KCNIP4: variants seen among roughly 807,000 people sequenced by gnomAD.
KCNIP4 encodes the protein Kv channel-interacting protein 4.
KCNIP4 carries 12 observed loss-of-function variants against 34.0 expected under a neutral mutation model. The observed-to-expected ratio is 0.35, with a 90% CI of 0.23 to 0.57. The LOEUF (loss-of-function observed/expected upper bound fraction) is 0.57, where lower values mean the gene tolerates loss of function less well. KCNIP4 is among the 20% of genes least tolerant of loss of function. The pLI, the probability that KCNIP4 is intolerant of heterozygous loss-of-function variation, is 0.83. For synonymous variants in KCNIP4, 124 were observed against 102.2 expected (o/e 1.21, Z -1.29); for missense variants, 238 against 311.7 (o/e 0.76, Z 1.78).
rs73114349 is a variant in KCNIP4, at chr4:20,856,484, T to G, written c.164-5817A>C. 2.3e-3 allele frequency among the ~76,000 whole-genome samples: 347 copies of G among 152,292 alleles called. 2 individuals carry two copies. The highest frequency in any genetic ancestry group is 8.1e-3 in the African/African-American group (335 of 41,574). On this transcript the variant is annotated intron_variant, in intron 2 of 8. Coordinates refer to ENST00000382152, the MANE Select transcript of KCNIP4 (RefSeq NM_025221.6). Reference sequence around the variant, plus strand: ...CTTGTATAGCATGTAAAACATAACATCATGATCTGCTCATGTTTGTTTTCT... The same window carrying G: ...CTTGTATAGCATGTAAAACATAACAGCATGATCTGCTCATGTTTGTTTTCT...
At chr4:20,910,288 T>C (rs2149568924) in intron 1 of KCNIP4, among the ~76,000 whole-genome samples, 1 of 152,124 alleles carries the variant, frequency 6.6e-6, no homozygotes, top group East Asian at 1.9e-4. Flanking sequence ...TCTGTATGTG[T>C]GTGTGTGTGT....
intron 1 of KCNIP4, among the ~76,000 whole-genome samples, chr4:21,669,069 A>G (rs1328204086): frequency 1.3e-5 from 2 of 152,162 alleles, no homozygotes; most frequent in African/African-American, 4.8e-5. Context: ...ATGATAATCC[A>G]CTTTCACTTA....
chr4:21,424,605 A>G (rs1302054190), intron 1 of KCNIP4, among the ~76,000 whole-genome samples: 3 of 151,512 alleles, frequency 2.0e-5, no homozygotes, highest in South Asian at 2.1e-4. Flanking sequence ...GAAAGAGAGA[A>G]AAAGAAAGAA....
chr4:21,390,479 A>G (rs976876885), intron 1 of KCNIP4, among the ~76,000 whole-genome samples: 63 of 152,266 alleles, frequency 4.1e-4, no homozygotes, highest in African/African-American at 1.2e-3. Flanking sequence ...TAATTTTTGT[A>G]TAAGGTGTAA....
intron 1 of KCNIP4, among the ~76,000 whole-genome samples, chr4:21,044,557 G>T (rs1318312676): frequency 6.6e-6 from 1 of 151,958 alleles, no homozygotes; most frequent in Non-Finnish European, 1.5e-5. Flanking sequence ...TGATCCACCC[G>T]CCTTGGCCTC....
chr4:21,766,388 A>T (rs560900256), intron 1 of KCNIP4, among the ~76,000 whole-genome samples: 1 of 152,226 alleles, frequency 6.6e-6, no homozygotes, highest in South Asian at 2.1e-4. Context: ...GGATTACTCG[A>T]TTGTAAGAGT....
chr4:21,059,599 A>G (rs1743736946), intron 1 of KCNIP4, among the ~76,000 whole-genome samples: 1 of 152,104 alleles, frequency 6.6e-6, no homozygotes, highest in Non-Finnish European at 1.5e-5. Context: ...TTAGGGCCTG[A>G]TTACTGATCT....
In KCNIP4 at chr4:20,734,645, C is replaced by A; in HGVS notation, c.520G>T (p.Gly174Cys). 1 of 1,544,214 alleles carries A rather than the reference C, an allele frequency of 6.5e-7. No homozygotes were observed. The highest frequency in any genetic ancestry group is 8.8e-7 in the Non-Finnish European group (1 of 1,135,646). ...TCCCTTACCTCTTTAGTGATGTAGC[C>A]ATCTTTATTTATGTCATACAGATTA... is the stretch of plus-strand genomic sequence containing the variant. ...AFNLYDINKDGYITKEEMLDI... is the reference protein window; with the variant it reads ...AFNLYDINKDCYITKEEMLDI... Residue 174 changes from glycine (G) to cysteine (C), a missense_variant, in exon 6 of 9, where the codon GGC becomes TGC. Gly to Cys is a radical substitution (Grantham distance 159). Coordinates refer to ENST00000382152, the MANE Select transcript of KCNIP4 (RefSeq NM_025221.6).
At chr4:21,517,723 C>T (rs1441421014) in intron 1 of KCNIP4, among the ~76,000 whole-genome samples, 1 of 152,092 alleles carries the variant, frequency 6.6e-6, no homozygotes, top group African/African-American at 2.4e-5. Context: ...TCATCAAGTA[C>T]TTGTTGAAGA....
intron 1 of KCNIP4, among the ~76,000 whole-genome samples, chr4:21,489,477 G>A (rs1348107126): frequency 6.6e-6 from 1 of 152,074 alleles, no homozygotes; most frequent in Non-Finnish European, 1.5e-5. Context: ...AACCTATGAT[G>A]AAAATAAATT....
At chr4:21,306,350 A>G (rs144424872) in intron 1 of KCNIP4, among the ~76,000 whole-genome samples, 1,712 of 152,322 alleles carry the variant, frequency 0.011, 20 homozygotes, top group African/African-American at 0.038. Flanking sequence ...TATACCCAAA[A>G]TGATCCCCCA....
chr4:21,775,996 G>A (rs1027019153), intron 1 of KCNIP4, among the ~76,000 whole-genome samples: 1 of 152,206 alleles, frequency 6.6e-6, no homozygotes, highest in African/African-American at 2.4e-5. Context: ...AGTTCAGTAG[G>A]CTTAAGCAGA....
intron 1 of KCNIP4, among the ~76,000 whole-genome samples, chr4:21,687,501 C>T (rs1454941951): frequency 6.6e-6 from 1 of 152,050 alleles, no homozygotes; most frequent in East Asian, 1.9e-4. Context: ...GGTCTAGGCA[C>T]TGGATTACGA....
At chr4:20,741,097 C>A (rs1020685562) in intron 5 of KCNIP4, among the ~76,000 whole-genome samples, 1 of 152,268 alleles carries the variant, frequency 6.6e-6, no homozygotes, top group East Asian at 1.9e-4. Context: ...TACAAAGAGA[C>A]TTAGACTCCC....
At chr4:21,535,501 TA>T (rs1737083039) in intron 1 of KCNIP4, among the ~76,000 whole-genome samples, 1 of 152,174 alleles carries the variant, frequency 6.6e-6, no homozygotes, top group African/African-American at 2.4e-5. Flanking sequence ...CATGTTTCTA[TA>T]TTTTTTTTGC....
At chr4:20,861,521 C>T (rs1236230465) in intron 2 of KCNIP4, among the ~76,000 whole-genome samples, 3 of 152,074 alleles carry the variant, frequency 2.0e-5, no homozygotes, top group Non-Finnish European at 4.4e-5. Context: ...TTTCTGCAAC[C>T]CTGGCCCTGA....
At chr4:21,187,139 G>A (rs767523151) in intron 1 of KCNIP4, among the ~76,000 whole-genome samples, 2 of 152,104 alleles carry the variant, frequency 1.3e-5, no homozygotes, top group African/African-American at 2.4e-5. Flanking sequence ...AATCTCTAAT[G>A]TATAGCTTAG....
intron 1 of KCNIP4, among the ~76,000 whole-genome samples, chr4:21,517,590 A>T (rs1197211576): frequency 6.6e-6 from 1 of 152,104 alleles, no homozygotes; most frequent in Non-Finnish European, 1.5e-5. Flanking sequence ...TGTTTCTGTT[A>T]ATCATTGATT....
At chr4:21,927,028 G>A (rs962463769) in intron 1 of KCNIP4, among the ~76,000 whole-genome samples, 2 of 152,112 alleles carry the variant, frequency 1.3e-5, no homozygotes, top group African/African-American at 4.8e-5. Context: ...TTCCTTTCTG[G>A]AGGCTCTAGG....
Sources: gnomAD v4.1 joint callset for allele counts (sites outside exome capture counted in the v4.1 genomes callset) on GRCh38, gnomAD v4.1.1 for gene constraint, MANE v1.5 for transcripts, NCBI Gene and HGNC (gene_info 2026-07-23, HGNC 2026-07-21) for gene names.